The following HEPH variants were observed in gnomAD, a reference collection of about 807,000 sequenced individuals.
HEPH encodes the protein hephaestin.
Under a neutral mutation model 80.8 loss-of-function variants are expected in HEPH, and 69 were observed. That is an observed-to-expected ratio of 0.85 (90% CI 0.70 to 1.04). The LOEUF (loss-of-function observed/expected upper bound fraction) is 1.04. Among genes scored for constraint, HEPH ranks in the 50% least tolerant of loss-of-function variants. The probability of loss-of-function intolerance (pLI) is 0.00; values close to 1 mark genes in which losing one functional copy is unlikely to be tolerated. For synonymous variants in HEPH, 431 were observed against 322.8 expected, an observed-to-expected ratio of 1.34 and a Z score of -3.60; for missense variants, 1,115 against 891.3, an observed-to-expected ratio of 1.25 and a Z score of -3.20.
At chrX:66,256,368 C>A in intron 17 of HEPH, 38 bp downstream of exon 17, 2 of 1,003,334 alleles carry the variant, frequency 2.0e-6, no homozygotes, top group Non-Finnish European at 2.8e-6. Context: ...CCAAAGCAGT[C>A]CCTACTGGTT....
chrX:66,198,688 C>A (rs1199014342), intron 10 of HEPH, among the ~76,000 whole-genome samples, 190 bp from the exon 11 acceptor site: 4 of 111,300 alleles, frequency 3.6e-5, no homozygotes, highest in Non-Finnish European at 7.5e-5. Flanking sequence ...TTTATTGTGA[C>A]ATTCTTCTCT....
In HEPH at chrX:66,172,542, G is replaced by A; in HGVS notation, c.355G>A (p.Ala119Thr). Residue 119 changes from alanine to threonine, a missense_variant, in exon 3 of 21, where the codon GCC becomes ACC. This residue lies in a region of HEPH where 391 missense variants were observed against 343.6 expected (regional missense o/e 1.14). Transcript: ENST00000343002. ...DVILIHLKNF[A>T]TRPYTIHPHG... is the part of the protein sequence containing the mutation. ...CATTCTTATTCACCTGAAGAATTTT[G>A]CCACTCGTCCCTATACCATCCACCC... 1.7e-6 allele frequency: 2 copies of A among 1,208,350 alleles called. No individual in the cohort carries two copies. Among genetic ancestry groups the A allele is most frequent in the Non-Finnish European group, 2.2e-6 (2 of 893,364 alleles).
chrX:66,255,087 C>T lies in HEPH; in HGVS notation c.2616C>T (p.Pro872=). 1 of 1,208,318 alleles carries T rather than the reference C, an allele frequency of 8.3e-7. No homozygotes were observed. Among genetic ancestry groups the T allele is most frequent in the Non-Finnish European group, 1.1e-6 (1 of 893,409 alleles). ...TCCCAGAGAGGTCTGGCCCTGGGCCCAATGACTCTGCTTGTGTTTCCTGGA... is the reference window on the plus strand; with the variant it reads ...TCCCAGAGAGGTCTGGCCCTGGGCCTAATGACTCTGCTTGTGTTTCCTGGA... ...WNIPERSGPG[P]NDSACVSWIY... is the part of the protein sequence containing the mutation. Residue 872 remains proline (P), a synonymous_variant, in exon 16 of 21, where the codon CCC becomes CCT. Transcript: ENST00000343002.
At chrX:66,266,044 T>A (rs958269949) in intron 20 of HEPH, among the ~76,000 whole-genome samples, 1 of 112,058 alleles carries the variant, frequency 8.9e-6, no homozygotes, top group Non-Finnish European at 1.9e-5. Context: ...ATAAGCTGGA[T>A]GACTGAGTCA....
chrX:66,199,279 C>G (rs1480217437), intron 11 of HEPH, among the ~76,000 whole-genome samples: 1 of 110,985 alleles, frequency 9.0e-6, no homozygotes, highest in African/African-American at 3.3e-5. Flanking sequence ...CACAAGAAAT[C>G]TACAAGAGAT....
chrX:66,194,479 G>A (rs1450508155), intron 8 of HEPH, among the ~76,000 whole-genome samples: 1 of 112,001 alleles, frequency 8.9e-6, no homozygotes, highest in Non-Finnish European at 1.9e-5. Flanking sequence ...TAAGTGCCCA[G>A]TTTTGGTACT....
chrX:66,231,736 G>T (rs1448591339), intron 15 of HEPH, among the ~76,000 whole-genome samples: 6 of 108,148 alleles, frequency 5.5e-5, no homozygotes, highest in South Asian at 4.2e-4. Context: ...GGGACAATTT[G>T]ACTTCCTCTT....
chrX:66,212,620 G>C (rs2089189785), intron 15 of HEPH, among the ~76,000 whole-genome samples: 1 of 111,846 alleles, frequency 8.9e-6, no homozygotes, highest in Non-Finnish European at 1.9e-5. Flanking sequence ...AAGATCAGTT[G>C]TTGACTGTAA....
chrX:66,199,366 C>CG (rs974613404), intron 11 of HEPH, among the ~76,000 whole-genome samples: 4 of 109,761 alleles, frequency 3.6e-5, no homozygotes, highest in African/African-American at 1.3e-4. Context: ...TGGGTCCCCC[C>CG]CCCCCATACT....
chrX:66,173,602 A>C lies in HEPH; in HGVS notation c.426A>C (p.Pro142=). Residue 142 remains proline, a synonymous_variant, in exon 4 of 21, where the codon CCA becomes CCC. Coordinates refer to ENST00000343002, the MANE Select transcript of HEPH (RefSeq NM_001367233.3). The stretch of plus-strand genomic sequence containing the variant: ...TTTCATTTCTAGGTTCCCTATACCC[A>C]GATGGCTCCTCTGGGCCACTGAAAG... ...YEKDSEGSLY[P]DGSSGPLKAD... is the part of the protein sequence containing the mutation. The C allele has an allele frequency of 8.3e-7, 1 of 1,208,902 alleles. No individual in the cohort carries two copies. The highest frequency in any genetic ancestry group is 1.1e-6 in the Non-Finnish European group (1 of 893,213).
upstream of HEPH, chrX:66,164,164 T>TA (rs2086266172): frequency 2.7e-6 from 2 of 739,314 alleles, no homozygotes; most frequent in Middle Eastern, 7.8e-4. Context: ...CCTGAGATCC[T>TA]AACCAGGATT....
intron 15 of HEPH, among the ~76,000 whole-genome samples, chrX:66,224,065 C>A (rs892940535): frequency 3.0e-5 from 3 of 100,521 alleles, no homozygotes; most frequent in Non-Finnish European, 5.8e-5. Flanking sequence ...TTACTAAATT[C>A]TGCAGCCCCT....
intron 3 of HEPH, among the ~76,000 whole-genome samples, chrX:66,172,910 A>G (rs747534367): frequency 8.9e-6 from 1 of 112,539 alleles, no homozygotes; most frequent in South Asian, 3.7e-4. Flanking sequence ...TGAATATTCT[A>G]TGAAAAGAAA....
chrX:66,194,771 G>C (rs905598050), intron 8 of HEPH, among the ~76,000 whole-genome samples: 3 of 110,914 alleles, frequency 2.7e-5, no homozygotes, highest in African/African-American at 9.9e-5. Context: ...CTGGCTGAAT[G>C]GCTTATCAAC....
Position 66,199,009 on chromosome X carries a change from A to G in HEPH, c.1845A>G (p.Gln615=). 8.3e-7 allele frequency: 1 copy of G among 1,211,416 alleles called. No individual in the cohort carries two copies. The highest frequency in any genetic ancestry group is 1.7e-5 in the African/African-American group (1 of 57,850). ...RLLSEDIEGF[Q]DSNRMHAING... Reference sequence around the variant, plus strand: ...TTTCAGAGGATATTGAGGGCTTCCAAGACTCCAATCGGATGCATGGTATGG... The same window carrying G: ...TTTCAGAGGATATTGAGGGCTTCCAGGACTCCAATCGGATGCATGGTATGG... Residue 615 remains glutamine (Q), a synonymous_variant, in exon 11 of 21, where the codon CAA becomes CAG. Coordinates refer to ENST00000343002, the MANE Select transcript of HEPH (RefSeq NM_001367233.3).
intron 6 of HEPH, among the ~76,000 whole-genome samples, chrX:66,190,594 G>C (rs930111590): frequency 1.8e-5 from 2 of 111,715 alleles, no homozygotes; most frequent in Non-Finnish European, 3.8e-5. Flanking sequence ...GGTCACATTT[G>C]CCACATCCGT....
At chrX:66,235,691 G>A (rs1200598721) in intron 15 of HEPH, among the ~76,000 whole-genome samples, 3 of 111,547 alleles carry the variant, frequency 2.7e-5, no homozygotes, top group East Asian at 5.6e-4. Context: ...GCTCTTTTTG[G>A]TTCCACATGA....
At chrX:66,229,197 TATAGAC>T (rs2090017864) in intron 15 of HEPH, among the ~76,000 whole-genome samples, 1 of 112,096 alleles carries the variant, frequency 8.9e-6, no homozygotes, top group South Asian at 3.7e-4. Context: ...TAGACATAGA[TATAGAC>T]ATAGACATAG....
chrX:66,209,519 T>C (rs1212083778), intron 15 of HEPH, among the ~76,000 whole-genome samples: 3 of 111,901 alleles, frequency 2.7e-5, no homozygotes, highest in African/African-American at 9.7e-5. Flanking sequence ...AAGTACAGTA[T>C]GGAAGAAAAG....
Sources: allele counts gnomAD v4.1 joint callset (sites outside exome capture counted in the v4.1 genomes callset), GRCh38; gene constraint gnomAD v4.1.1; regional missense constraint gnomAD v4.1.1; transcripts MANE v1.5; gene names NCBI Gene and HGNC (gene_info 2026-07-23, HGNC 2026-07-21).